GPR139: variants seen among roughly 807,000 people sequenced by gnomAD.
The protein encoded by GPR139 is probable G protein-coupled receptor 139.
In GPR139, 12 loss-of-function variants were observed where a neutral mutation model predicts 25.8. That is an observed-to-expected ratio of 0.47 (90% CI 0.30 to 0.75). The LOEUF (loss-of-function observed/expected upper bound fraction) is 0.75. Ranked by LOEUF, GPR139 falls within the 30% of genes least tolerant of loss-of-function variation. GPR139 has a pLI of 0.07. For missense variants in GPR139, 380 were observed against 450.2 expected, an observed-to-expected ratio of 0.84 and a Z score of 1.41; for synonymous variants, 184 against 179.9, an observed-to-expected ratio of 1.02 and a Z score of -0.18.
At chr16:20,044,317 A>G (rs1039920384) in intron 1 of GPR139, among the ~76,000 whole-genome samples, 3 of 152,320 alleles carry the variant, frequency 2.0e-5, no homozygotes, top group Non-Finnish European at 2.9e-5. Flanking sequence ...AAATGTCCTT[A>G]GACTTCTCAG....
At chr16:20,035,974 A>G (rs2057308523) in intron 1 of GPR139, among the ~76,000 whole-genome samples, 1 of 152,224 alleles carries the variant, frequency 6.6e-6, no homozygotes, top group Admixed American at 6.5e-5. Context: ...GTGGTCAAAT[A>G]CGTGTGCATA....
chr16:20,065,123 T>C (rs1370431748), intron 1 of GPR139, among the ~76,000 whole-genome samples: 2 of 152,142 alleles, frequency 1.3e-5, no homozygotes, highest in Non-Finnish European at 2.9e-5. Flanking sequence ...TCCCAACCCC[T>C]GAGTTTGTGA....
chr16:20,070,945 T>A (rs369926047), intron 1 of GPR139: 12 of 985,392 alleles, frequency 1.2e-5, no homozygotes, highest in East Asian at 2.3e-4. Flanking sequence ...CTTCTGTGTA[T>A]CTCAGTCCCT....
At chr16:20,068,897 T>C (rs2057447741) in intron 1 of GPR139, among the ~76,000 whole-genome samples, 1 of 150,660 alleles carries the variant, frequency 6.6e-6, no homozygotes, top group South Asian at 2.1e-4. Context: ...TTTTTTTTTT[T>C]AGTTTGTTAA....
intron 1 of GPR139, among the ~76,000 whole-genome samples, chr16:20,047,924 G>A (rs951029282): frequency 6.6e-6 from 1 of 152,100 alleles, no homozygotes; most frequent in African/African-American, 2.4e-5. Context: ...ATTAATACAG[G>A]GAAAGTGCCC....
chr16:20,065,183 C>T (rs1460142691), intron 1 of GPR139, among the ~76,000 whole-genome samples: 1 of 152,136 alleles, frequency 6.6e-6, no homozygotes, highest in African/African-American at 2.4e-5. Context: ...TTTGGTTTGG[C>T]TCACAAAGTG....
At chr16:20,045,954 A>G (rs2057353087) in intron 1 of GPR139, among the ~76,000 whole-genome samples, 1 of 152,160 alleles carries the variant, frequency 6.6e-6, no homozygotes, top group Admixed American at 6.5e-5. Context: ...GTGCGAGGGG[A>G]CCAACAGGAA....
intron 1 of GPR139, among the ~76,000 whole-genome samples, chr16:20,038,169 CT>C (rs975330731): frequency 6.6e-5 from 10 of 151,954 alleles, no homozygotes; most frequent in Non-Finnish European, 1.2e-4. Context: ...GCCACAACCT[CT>C]TTTTCCCCCC....
chr16:20,060,240 G>A (rs925715961), intron 1 of GPR139, among the ~76,000 whole-genome samples: 18 of 138,712 alleles, frequency 1.3e-4, no homozygotes, highest in African/African-American at 4.3e-4. Context: ...TGGCTGCAGG[G>A]TGTGTGTGTG....
intron 1 of GPR139, among the ~76,000 whole-genome samples, chr16:20,053,888 C>G (rs931961465): frequency 6.6e-6 from 1 of 151,670 alleles, no homozygotes; most frequent in Non-Finnish European, 1.5e-5. Context: ...AAAAATTTAG[C>G]CAATTTCCTG....
At chr16:20,051,877 C>T (rs920119707) in intron 1 of GPR139, among the ~76,000 whole-genome samples, 3 of 152,132 alleles carry the variant, frequency 2.0e-5, no homozygotes, top group Admixed American at 6.5e-5. Context: ...TCAGTGGTAA[C>T]GAACGTGGGC....
chr16:20,034,274 A>G (rs1206133390), intron 1 of GPR139, among the ~76,000 whole-genome samples: 3 of 152,166 alleles, frequency 2.0e-5, no homozygotes. Flanking sequence ...AAAATGTCAT[A>G]CAATAGTTCA....
In GPR139 at chr16:20,030,731, G is replaced by A. The variant is rs1343273241; in HGVS notation, c.*1004C>T. On this transcript the variant is annotated 3_prime_UTR_variant, in exon 2 of 2. Coordinates refer to ENST00000570682, the MANE Select transcript of GPR139 (RefSeq NM_001002911.4). Reference sequence around the variant, plus strand: ...GCTGAGAACACCTCCTCTCATACCCGCAGAGCTGCAGTTCCTGACCCTTGA... The same window carrying A: ...GCTGAGAACACCTCCTCTCATACCCACAGAGCTGCAGTTCCTGACCCTTGA... Among the ~76,000 whole-genome samples, 6 of 152,324 alleles carry A rather than the reference G, an allele frequency of 3.9e-5. No individual in the cohort carries two copies. Among genetic ancestry groups the A allele is most frequent in the Admixed American group, 3.3e-4 (5 of 15,312 alleles).
Position 20,040,264 on chromosome 16 carries a change from TA to T in GPR139, c.128-7596del, listed in dbSNP as rs557035617. On this transcript the variant is annotated intron_variant, in intron 1 of 1. Transcript: ENST00000570682. ...CAGTCAGCCCAGGAACCGTGACAAA[TA>T]ATCGTAAATTGTTGCTCCTAGCCTC... Among the ~76,000 whole-genome samples the T allele has an allele frequency of 3.4e-3, 511 of 152,284 alleles. 2 individuals carry two copies. The highest frequency in any genetic ancestry group is 0.012 in the African/African-American group (490 of 41,554).
intron 1 of GPR139, among the ~76,000 whole-genome samples, chr16:20,059,363 T>A (rs2057402537): frequency 1.3e-5 from 2 of 152,194 alleles, no homozygotes; most frequent in Admixed American, 1.3e-4. Flanking sequence ...CATCATCTCC[T>A]GCCCCTTCTC....
chr16:20,036,048 A>G (rs1198962662), intron 1 of GPR139, among the ~76,000 whole-genome samples: 2 of 152,342 alleles, frequency 1.3e-5, no homozygotes, highest in Non-Finnish European at 1.5e-5. Flanking sequence ...CTCAGAGAGT[A>G]GAGAAACATC....
chr16:20,044,642 G>C (rs937283095), intron 1 of GPR139, among the ~76,000 whole-genome samples: 8 of 152,086 alleles, frequency 5.3e-5, no homozygotes, highest in Non-Finnish European at 4.4e-5. Context: ...TGCTTATATC[G>C]TATTAGGCAC....
chr16:20,038,369 G>GTATA lies in GPR139; in HGVS notation c.128-5701_128-5700insTATA, dbSNP rs766032590. ...TGTGTGTGTGTGTGTGTGTGTGTGT[G>GTATA]TATTCTATAGAGAGTGACTCTCCCA... On this transcript the variant is annotated intron_variant, in intron 1 of 1. Coordinates refer to ENST00000570682, the MANE Select transcript of GPR139 (RefSeq NM_001002911.4). 4.5e-3 allele frequency among the ~76,000 whole-genome samples: 596 copies of GTATA among 133,242 alleles called. 5 individuals carry two copies. The highest frequency in any genetic ancestry group is 0.016 in the African/African-American group (572 of 36,886). The allele number at this position is 133,242 out of a possible 152,430, so 87.4% of individuals were successfully genotyped here. A position where few individuals can be genotyped will look rare whatever the true frequency, so the allele number is the denominator to read the frequency against.
rs143513904 is a variant in GPR139 at position 20,036,230 on chromosome 16, C to T, written c.128-3561G>A. ...TATATAGTCAGAGCTTCATGGAACC[C>T]AAGCTGTAAAGAGGTTGAGGTCTAA... On this transcript the variant is annotated intron_variant, in intron 1 of 1. Coordinates refer to ENST00000570682, the MANE Select transcript of GPR139 (RefSeq NM_001002911.4). Among the ~76,000 whole-genome samples the T allele has an allele frequency of 3.4e-3, 514 of 152,234 alleles. 2 individuals carry two copies. The highest frequency in any genetic ancestry group is 0.012 in the African/African-American group (493 of 41,526).
Sources: allele counts gnomAD v4.1 joint callset (sites outside exome capture counted in the v4.1 genomes callset), GRCh38; gene constraint gnomAD v4.1.1; transcripts MANE v1.5; gene names NCBI Gene and HGNC (gene_info 2026-07-23, HGNC 2026-07-21).